The following MYO9A variants were observed in gnomAD, a reference collection of about 807,000 sequenced individuals.
MYO9A encodes unconventional myosin-IXa.
Under a neutral mutation model 293.3 loss-of-function variants are expected in MYO9A, and 103 were observed. The ratio of observed to expected loss-of-function variants is 0.35; its 90% CI spans 0.30 to 0.41. MYO9A has a LOEUF of 0.41. Among genes scored for constraint, MYO9A ranks in the 10% least tolerant of loss-of-function variants. The probability of loss-of-function intolerance (pLI) is 1.00; values close to 1 mark genes in which losing one functional copy is unlikely to be tolerated. For missense variants in MYO9A, 2,685 were observed against 3,033.0 expected (o/e 0.89, Z 2.69); for synonymous variants, 1,001 against 1,035.7 (o/e 0.97, Z 0.64).
intron 13 of MYO9A, 27 bp from the exon 14 acceptor site, chr15:71,960,123 T>C: frequency 6.2e-7 from 1 of 1,602,366 alleles, no homozygotes; most frequent in Non-Finnish European, 8.5e-7. Context: ...CCAGTGTTAC[T>C]TATGGGAAAA....
At chr15:71,940,774 T>G (rs1381095585) in intron 15 of MYO9A, among the ~76,000 whole-genome samples, 1 of 152,054 alleles carries the variant, frequency 6.6e-6, no homozygotes, top group Non-Finnish European at 1.5e-5. Context: ...AAAATTAACA[T>G]GGAAATACAA....
intron 11 of MYO9A, among the ~76,000 whole-genome samples, chr15:71,989,846 T>A (rs1248622823): frequency 6.6e-6 from 1 of 151,954 alleles, no homozygotes; most frequent in African/African-American, 2.4e-5. Flanking sequence ...GGCAACATAG[T>A]GACACCTTGT....
intron 11 of MYO9A, among the ~76,000 whole-genome samples, chr15:71,983,899 C>T (rs1048630774): frequency 6.6e-6 from 1 of 152,208 alleles, no homozygotes; most frequent in Non-Finnish European, 1.5e-5. Context: ...TGTACCTGAG[C>T]TACAATAGGA....
At chr15:71,928,234 C>T (rs1438156824) in intron 18 of MYO9A, among the ~76,000 whole-genome samples, 2 of 146,428 alleles carry the variant, frequency 1.4e-5, no homozygotes, top group East Asian at 2.0e-4. Context: ...CCCGCCACTA[C>T]GCCCGGCTAA....
At position 71,826,800 on chromosome 15, in the gene MYO9A, C is replaced by T. The variant is rs2054522280; in HGVS notation, c.7427G>A (p.Gly2476Asp). The T allele has an allele frequency of 6.2e-7, 1 of 1,614,158 alleles. No individual in the cohort carries two copies. Among genetic ancestry groups the T allele is most frequent in the Non-Finnish European group, 8.5e-7 (1 of 1,180,006 alleles). ...CTTGTCTTCCAGGAATTTGGTCTGG[C>T]CCAATGGTCCTTCCATTCCCAGGGC... ...NEALGMEGPL[G>D]QTKFLEDKPQ... The change falls in exon 42 of 42, where the codon GGC (glycine) becomes GAC (aspartate). Residue 2476 changes from glycine (G) to aspartate (D), a missense_variant. Transcript: ENST00000356056.
intron 18 of MYO9A, among the ~76,000 whole-genome samples, chr15:71,929,506 ATTTTGTCAAATTCT>A (rs1217087126): frequency 6.6e-6 from 1 of 152,110 alleles, no homozygotes; most frequent in Admixed American, 6.5e-5. Context: ...GACAGGTTGA[ATTTTGTCAAATTCT>A]TTTTCTGCAT....
rs1187416861 is a variant in MYO9A at position 72,042,200 on chromosome 15, AG to A, written c.840+3523del. Among the ~76,000 whole-genome samples, 28 of 151,040 alleles carry A rather than the reference AG, an allele frequency of 1.9e-4. 1 individual carries two copies. In the South Asian group the frequency reaches 5.9e-3, roughly 32 times the overall value. ...ATAGAATGCAAAAAAAAAAAAAAAA[AG>A]ACATTCAGGAAAACAATGTTAGGCA... On this transcript the variant is annotated intron_variant, in intron 2 of 41. Coordinates refer to ENST00000356056, the MANE Select transcript of MYO9A (RefSeq NM_006901.4).
chr15:71,931,124 T>G (rs1203379564), intron 18 of MYO9A, among the ~76,000 whole-genome samples: 1 of 152,216 alleles, frequency 6.6e-6, no homozygotes, highest in Non-Finnish European at 1.5e-5. Flanking sequence ...ATCACATAAT[T>G]AAAATGTTTG....
chr15:72,048,870 CA>C (rs2078471778), intron 1 of MYO9A, among the ~76,000 whole-genome samples: 1 of 152,170 alleles, frequency 6.6e-6, no homozygotes, highest in African/African-American at 2.4e-5. Flanking sequence ...TTAAAAATTA[CA>C]ACTATATTTT....
intron 13 of MYO9A, among the ~76,000 whole-genome samples, chr15:71,967,047 T>C (rs764629990): frequency 6.6e-6 from 1 of 152,206 alleles, no homozygotes; most frequent in Non-Finnish European, 1.5e-5. Flanking sequence ...TCATCCGAAC[T>C]CCTCATCAAG....
At chr15:72,051,297 T>C (rs2078555456) in intron 1 of MYO9A, among the ~76,000 whole-genome samples, 1 of 152,148 alleles carries the variant, frequency 6.6e-6, no homozygotes, top group Non-Finnish European at 1.5e-5. Context: ...CAGGACTGCG[T>C]GCTCCATGGA....
intron 34 of MYO9A, among the ~76,000 whole-genome samples, chr15:71,858,927 T>C (rs2055990748): frequency 6.6e-6 from 1 of 152,148 alleles, no homozygotes. Context: ...CTCTGCATTC[T>C]CTTCTCTCTA....
Position 71,878,050 on chromosome 15 carries a change from G to A in MYO9A, c.5921C>T (p.Thr1974Ile), listed in dbSNP as rs375948961. ...ATATATCACATTTACCTTTGTGGCT[G>A]TGCAATCTGAAGTCTTGAATTCATT... ...YMNEFKTSDCTATKVPKTERK... is the reference protein window; with the variant it reads ...YMNEFKTSDCIATKVPKTERK... The change falls in exon 31 of 42, where the codon ACA becomes ATA. Residue 1974 changes from threonine to isoleucine, a missense_variant. Thr to Ile is a moderately conservative substitution (Grantham distance 89, BLOSUM62 -1). Coordinates refer to ENST00000356056, the MANE Select transcript of MYO9A (RefSeq NM_006901.4). 1.3e-6 allele frequency: 2 copies of A among 1,597,986 alleles called. No individual in the cohort carries two copies. The highest frequency in any genetic ancestry group is 1.4e-5 in the African/African-American group (1 of 74,034).
chr15:71,978,890 T>C (rs539781292), intron 11 of MYO9A, among the ~76,000 whole-genome samples: 1 of 152,282 alleles, frequency 6.6e-6, no homozygotes, highest in East Asian at 1.9e-4. Flanking sequence ...TTTCTTATTC[T>C]TTCCTGTATG....
intron 6 of MYO9A, among the ~76,000 whole-genome samples, chr15:72,011,753 C>G (rs1029453791): frequency 6.6e-6 from 1 of 152,192 alleles, no homozygotes; most frequent in African/African-American, 2.4e-5. Flanking sequence ...TAAGTTCTCA[C>G]AGTCCCTTGC....
intron 1 of MYO9A, among the ~76,000 whole-genome samples, chr15:72,072,048 G>A (rs1472156763): frequency 6.7e-6 from 1 of 148,952 alleles, no homozygotes; most frequent in Non-Finnish European, 1.5e-5. Flanking sequence ...CTCCAGCCTG[G>A]GGTGACAGAG....
rs2079336805 is a variant in MYO9A, at chr15:72,075,945, G to GT, written c.-71-29312dup. ...ACTTCTGTTCAACACTGTACCAGTG[G>GT]TAACAGCAAGTGCCATAAAGCAATA... On this transcript the variant is annotated intron_variant, in intron 1 of 41. Coordinates refer to ENST00000356056, the MANE Select transcript of MYO9A (RefSeq NM_006901.4). Among the ~76,000 whole-genome samples the GT allele has an allele frequency of 2.0e-5, 3 of 152,160 alleles. No individual in the cohort carries two copies. In the South Asian group the frequency reaches 6.2e-4, roughly 32 times the overall value.
At chr15:71,935,277 GA>G (rs2058606597) in intron 17 of MYO9A, 63 bp downstream of exon 17, 1 of 1,457,836 alleles carries the variant, frequency 6.9e-7, no homozygotes, top group Non-Finnish European at 9.2e-7. Flanking sequence ...TTTTCTGCCA[GA>G]AATTTTAAAC....
rs71131711 is a variant in MYO9A, at chr15:71,853,091, C to CTGAATGAATGAATGAATGAA, written c.6347-851_6347-832dup. 2.7e-3 allele frequency among the ~76,000 whole-genome samples: 403 copies of CTGAATGAATGAATGAATGAA among 151,488 alleles called. 1 individual carries two copies. The highest frequency in any genetic ancestry group is 9.7e-3 in the Admixed American group (148 of 15,194). On this transcript the variant is annotated intron_variant, in intron 35 of 41. Coordinates refer to ENST00000356056, the MANE Select transcript of MYO9A (RefSeq NM_006901.4). ...CCTGGGCAACAGAGCAAGACTGTCTCTGAATGAATGAATGAATGAATGAAT... is the reference window on the plus strand; with the variant it reads ...CCTGGGCAACAGAGCAAGACTGTCTCTGAATGAATGAATGAATGAATGAATGAATGAATGAATGAATGAAT...
Sources: allele counts gnomAD v4.1 joint callset (sites outside exome capture counted in the v4.1 genomes callset), GRCh38; gene constraint gnomAD v4.1.1; transcripts MANE v1.5; gene names NCBI Gene and HGNC (gene_info 2026-07-23, HGNC 2026-07-21).